SLC9A9: variants seen among roughly 807,000 people sequenced by gnomAD.
The protein encoded by SLC9A9 is solute carrier family 9 member A9.
In SLC9A9, 62 loss-of-function variants were observed where a neutral mutation model predicts 77.8. The observed-to-expected ratio is 0.80, with a 90% CI of 0.65 to 0.98. The LOEUF (loss-of-function observed/expected upper bound fraction) is 0.98. Ranked by LOEUF, SLC9A9 falls within the 50% of genes least tolerant of loss-of-function variation. The pLI is 0.00. For missense variants in SLC9A9, 775 were observed against 774.9 expected (o/e 1.00, Z 0.00); for synonymous variants, 320 against 283.5 (o/e 1.13, Z -1.29).
At chr3:143,338,116 G>C (rs2031983200) in intron 14 of SLC9A9, among the ~76,000 whole-genome samples, 1 of 152,116 alleles carries the variant, frequency 6.6e-6, no homozygotes, top group South Asian at 2.1e-4. Context: ...CTTGTACCAG[G>C]CTGAAAAACT....
intron 14 of SLC9A9, among the ~76,000 whole-genome samples, chr3:143,296,927 C>T (rs2030297028): frequency 6.6e-6 from 1 of 151,984 alleles, no homozygotes; most frequent in Non-Finnish European, 1.5e-5. Flanking sequence ...GTATATTTGC[C>T]CTTTATCAGA....
intron 6 of SLC9A9, among the ~76,000 whole-genome samples, chr3:143,584,622 A>G (rs918460995): frequency 6.6e-6 from 1 of 152,230 alleles, no homozygotes; most frequent in Non-Finnish European, 1.5e-5. Flanking sequence ...CAAAAAAATT[A>G]TTGGCACCAG....
intron 4 of SLC9A9, among the ~76,000 whole-genome samples, chr3:143,728,450 T>C (rs1282240070): frequency 6.6e-6 from 1 of 152,044 alleles, no homozygotes; most frequent in Non-Finnish European, 1.5e-5. Flanking sequence ...TTCTGGGATC[T>C]GAAAGGAAGT....
At chr3:143,408,506 A>T (rs544278626) in intron 12 of SLC9A9, among the ~76,000 whole-genome samples, 1 of 152,386 alleles carries the variant, frequency 6.6e-6, no homozygotes, top group Non-Finnish European at 1.5e-5. Context: ...GCATGAAGAC[A>T]TGAAGAGAAT....
At chr3:143,441,886 C>T (rs951820014) in intron 12 of SLC9A9, among the ~76,000 whole-genome samples, 3 of 151,834 alleles carry the variant, frequency 2.0e-5, no homozygotes, top group African/African-American at 7.3e-5. Context: ...ATCCACTCAT[C>T]CATCCATCTC....
chr3:143,839,103 C>T (rs186727022), intron 1 of SLC9A9, among the ~76,000 whole-genome samples: 61 of 152,190 alleles, frequency 4.0e-4, no homozygotes, highest in Admixed American at 7.8e-4. Flanking sequence ...GTAGTAACAA[C>T]GTACAATGCC....
chr3:143,629,281 A>C (rs1228461434), intron 6 of SLC9A9, among the ~76,000 whole-genome samples: 1 of 152,208 alleles, frequency 6.6e-6, no homozygotes, highest in Non-Finnish European at 1.5e-5. Flanking sequence ...CTGAGTATCT[A>C]CTAGTGCAGA....
At chr3:143,498,083 T>C (rs1266225910) in intron 9 of SLC9A9, among the ~76,000 whole-genome samples, 12 of 152,230 alleles carry the variant, frequency 7.9e-5, no homozygotes, top group Admixed American at 7.2e-4. Flanking sequence ...GGATTTTAAC[T>C]TGATTTACTC....
chr3:143,699,659 T>A (rs1933740261), intron 4 of SLC9A9, among the ~76,000 whole-genome samples: 1 of 152,192 alleles, frequency 6.6e-6, no homozygotes, highest in African/African-American at 2.4e-5. Flanking sequence ...AGGAATTGCC[T>A]ATCCCAGCGA....
chr3:143,270,601 A>T (rs1009803889), intron 14 of SLC9A9, among the ~76,000 whole-genome samples: 1 of 152,216 alleles, frequency 6.6e-6, no homozygotes, highest in East Asian at 1.9e-4. Context: ...ATTAAAAAAA[A>T]TCCAGCCAAT....
chr3:143,316,367 A>G (rs1031255726), intron 14 of SLC9A9, among the ~76,000 whole-genome samples: 2 of 152,226 alleles, frequency 1.3e-5, no homozygotes, highest in Non-Finnish European at 2.9e-5. Context: ...GAAGAGAGAA[A>G]GTAAACAGGC....
chr3:143,846,862 C>T (rs1000546481), intron 1 of SLC9A9, among the ~76,000 whole-genome samples: 8 of 151,952 alleles, frequency 5.3e-5, no homozygotes, highest in Non-Finnish European at 8.8e-5. Flanking sequence ...GTGCTGCACC[C>T]ATTAACTCGT....
chr3:143,813,985 T>C (rs1185003296), intron 2 of SLC9A9, among the ~76,000 whole-genome samples: 4 of 152,134 alleles, frequency 2.6e-5, no homozygotes, highest in Non-Finnish European at 5.9e-5. Flanking sequence ...GTGGTTGCGA[T>C]AGAATGGAAA....
chr3:143,774,556 C>A (rs529911933), intron 4 of SLC9A9, among the ~76,000 whole-genome samples: 20 of 152,242 alleles, frequency 1.3e-4, no homozygotes, highest in African/African-American at 4.6e-4. Context: ...CGTGTGAGGA[C>A]TGACTGGATT....
intron 14 of SLC9A9, chr3:143,343,420 G>T (rs531560032): frequency 6.3e-4 from 96 of 152,222 alleles, no homozygotes; most frequent in African/African-American, 2.1e-3. Flanking sequence ...GATGTAAAGA[G>T]GGGAAAAAAA....
intron 12 of SLC9A9, among the ~76,000 whole-genome samples, chr3:143,389,292 T>C (rs192173658): frequency 9.2e-5 from 14 of 151,996 alleles, no homozygotes; most frequent in Admixed American, 9.2e-4. Context: ...GGCATGGAGG[T>C]CATTTAGTAG....
chr3:143,310,951 G>T (rs1036301612), intron 14 of SLC9A9, among the ~76,000 whole-genome samples: 5 of 152,180 alleles, frequency 3.3e-5, no homozygotes, highest in African/African-American at 1.2e-4. Flanking sequence ...AAGTCCTCAG[G>T]CCTCTCATTT....
At chr3:143,843,038 C>A (rs1157891386) in intron 1 of SLC9A9, among the ~76,000 whole-genome samples, 1 of 151,666 alleles carries the variant, frequency 6.6e-6, no homozygotes, top group Non-Finnish European at 1.5e-5. Context: ...CAAAATAATG[C>A]ATCTAGCTAC....
intron 5 of SLC9A9, among the ~76,000 whole-genome samples, chr3:143,659,610 G>A (rs909000452): frequency 7.9e-5 from 12 of 152,156 alleles, no homozygotes; most frequent in Non-Finnish European, 1.5e-4. Flanking sequence ...CACTGGGCCT[G>A]TGTGAGATAC....
Sources: gnomAD v4.1 joint callset for allele counts (sites outside exome capture counted in the v4.1 genomes callset) on GRCh38, gnomAD v4.1.1 for gene constraint, MANE v1.5 for transcripts, NCBI Gene and HGNC (gene_info 2026-07-23, HGNC 2026-07-21) for gene names.